Variants in SCAF4 observed in about 807,000 individuals in gnomAD.
The protein encoded by SCAF4 is SR-related and CTD-associated factor 4.
Under a neutral mutation model 129.8 loss-of-function variants are expected in SCAF4, and 25 were observed. The observed-to-expected ratio is 0.19, with a 90% CI of 0.14 to 0.27. The LOEUF (loss-of-function observed/expected upper bound fraction) is 0.27, where lower values mean the gene tolerates loss of function less well. Ranked by LOEUF, SCAF4 falls within the 10% of genes least tolerant of loss-of-function variation. The pLI is 1.00. For synonymous variants in SCAF4, 551 were observed against 497.7 expected, an observed-to-expected ratio of 1.11 and a Z score of -1.43; for missense variants, 1,246 against 1,457.1, an observed-to-expected ratio of 0.86 and a Z score of 2.36.
chr21:31,730,794 A>G (rs1658727983), intron 1 of SCAF4, among the ~76,000 whole-genome samples: 1 of 152,228 alleles, frequency 6.6e-6, no homozygotes, highest in Non-Finnish European at 1.5e-5. Flanking sequence ...GATCAGAGAA[A>G]CAACTAGAGA....
intron 19 of SCAF4, among the ~76,000 whole-genome samples, chr21:31,677,144 C>G (rs929143559): frequency 6.6e-6 from 1 of 152,136 alleles, no homozygotes; most frequent in African/African-American, 2.4e-5. Context: ...CCACATGCCA[C>G]CAAATCTACC....
At chr21:31,680,975 CA>C (rs2049981967) in intron 19 of SCAF4, among the ~76,000 whole-genome samples, 1 of 152,198 alleles carries the variant, frequency 6.6e-6, no homozygotes, top group South Asian at 2.1e-4. Context: ...TCTGTCCCCA[CA>C]ATTTCCTGAG....
chr21:31,710,277 G>A (rs570609600), intron 1 of SCAF4, among the ~76,000 whole-genome samples: 1 of 152,122 alleles, frequency 6.6e-6, no homozygotes, highest in East Asian at 1.9e-4. Context: ...AGGCTGGTGC[G>A]GTGGCTCACA....
intron 19 of SCAF4, among the ~76,000 whole-genome samples, chr21:31,673,534 T>G (rs2049769138): frequency 7.3e-6 from 1 of 136,742 alleles, no homozygotes; most frequent in Non-Finnish European, 1.6e-5. Flanking sequence ...AGGTGATGGC[T>G]CTGTCCCTTC....
At position 31,691,832 on chromosome 21, in the gene SCAF4, G is replaced by A. The variant is rs749675522; in HGVS notation, c.1713C>T (p.Asn571=). The A allele has an allele frequency of 3.1e-6, 5 of 1,588,724 alleles. No individual in the cohort carries two copies. The South Asian group carries it at 3.4e-5, about 11-fold the overall frequency. The stretch of plus-strand genomic sequence containing the variant: ...AAGACTGTACCTTTATGGATTTCTG[G>A]TTCACTTTATAGTTTCCTCGGCTCA... The part of the protein sequence containing the change: ...QKLSRGNYKV[N]QKSIKIAWAL... Residue 571 remains asparagine, a synonymous_variant, in exon 14 of 20, where the codon AAC becomes AAT. Coordinates refer to ENST00000286835, the MANE Select transcript of SCAF4 (RefSeq NM_020706.2).
chr21:31,691,961 A>G (rs2123531630), intron 13 of SCAF4, 31 bp from the exon 14 acceptor site: 2 of 1,218,322 alleles, frequency 1.6e-6, no homozygotes, highest in Middle Eastern at 2.0e-4. Flanking sequence ...ATTATAAAAG[A>G]TAACAAAATT....
chr21:31,701,973 C>T, intron 5 of SCAF4, 55 bp from the exon 6 acceptor site: 2 of 1,574,868 alleles, frequency 1.3e-6, no homozygotes, highest in Admixed American at 1.9e-5. Context: ...ACAAGTTTTC[C>T]TAATTAAGCT....
At chr21:31,712,656 G>A (rs1436543093) in intron 1 of SCAF4, among the ~76,000 whole-genome samples, 1 of 151,644 alleles carries the variant, frequency 6.6e-6, no homozygotes, top group African/African-American at 2.4e-5. Context: ...AGCCTCCCGA[G>A]TAGCTGGGAT....
In SCAF4 at chr21:31,696,232, G is replaced by T; in HGVS notation, c.960-11C>A. ...TCTCCAGGAAAGCCACTAAAAAAAGGTGGATAATCTTTTACCCATTCAAAA... is the reference window on the plus strand; with the variant it reads ...TCTCCAGGAAAGCCACTAAAAAAAGTTGGATAATCTTTTACCCATTCAAAA... On this transcript the variant is annotated splice_polypyrimidine_tract_variant and intron_variant, in intron 8 of 19. Coordinates refer to ENST00000286835, the MANE Select transcript of SCAF4 (RefSeq NM_020706.2). The T allele has an allele frequency of 1.2e-6, 2 of 1,603,444 alleles. No individual in the cohort carries two copies. The highest frequency in any genetic ancestry group is 1.7e-6 in the Non-Finnish European group (2 of 1,170,560).
Position 31,732,001 on chromosome 21 carries a change from C to T in SCAF4, c.-309G>A. ...CGCTCTGCGTCTCGCTGACACGGCC[C>T]CCCGCGCCCTCACGCACTGGCTCAC... On this transcript the variant is annotated 5_prime_UTR_variant, in exon 1 of 20. Transcript: ENST00000286835. 1 of 471,952 alleles carries T rather than the reference C, an allele frequency of 2.1e-6. No individual in the cohort carries two copies. Among genetic ancestry groups the T allele is most frequent in the Non-Finnish European group, 3.7e-6 (1 of 272,404 alleles). The allele number at this position is 471,952 out of a possible 1,614,324, so 29.2% of individuals were successfully genotyped here.
At chr21:31,716,926 A>C (rs2050933354) in intron 1 of SCAF4, among the ~76,000 whole-genome samples, 1 of 152,188 alleles carries the variant, frequency 6.6e-6, no homozygotes, top group African/African-American at 2.4e-5. Context: ...ACATACACAC[A>C]GTAAGAGGTA....
At chr21:31,677,269 G>A (rs999010184) in intron 19 of SCAF4, among the ~76,000 whole-genome samples, 19 of 151,872 alleles carry the variant, frequency 1.3e-4, no homozygotes, top group Non-Finnish European at 2.6e-4. Context: ...CATAACAACC[G>A]AGCACATAGC....
intron 19 of SCAF4, among the ~76,000 whole-genome samples, chr21:31,672,842 A>T (rs2049745886): frequency 6.6e-6 from 1 of 152,252 alleles, no homozygotes; most frequent in South Asian, 2.1e-4. Flanking sequence ...AAAGAGGAAG[A>T]TCTCTTTGAC....
intron 19 of SCAF4, chr21:31,684,741 G>A (rs962268095): frequency 3.7e-5 from 13 of 350,974 alleles, no homozygotes; most frequent in African/African-American, 2.3e-4. Context: ...CCTTTGCACA[G>A]AGATTACTTT....
chr21:31,731,431 C>T (rs987729097), intron 1 of SCAF4, among the ~76,000 whole-genome samples: 12 of 152,122 alleles, frequency 7.9e-5, no homozygotes, highest in Non-Finnish European at 1.5e-5. Context: ...GGGGAGAAGC[C>T]CGAGGTCGCG....
intron 2 of SCAF4, 109 bp downstream of exon 2, chr21:31,706,165 C>T (rs2050657848): frequency 2.7e-6 from 2 of 735,470 alleles, no homozygotes; most frequent in African/African-American, 1.8e-5. Flanking sequence ...GGTTAGGGCT[C>T]TTTGATTTAG....
chr21:31,700,778 A>G, intron 7 of SCAF4: 1 of 399,864 alleles, frequency 2.5e-6, no homozygotes, highest in Non-Finnish European at 4.4e-6. Flanking sequence ...ATTTTACACT[A>G]GTAAATTCAG....
chr21:31,701,589 G>A (rs1457967828), intron 6 of SCAF4, among the ~76,000 whole-genome samples, 187 bp downstream of exon 6: 4 of 152,200 alleles, frequency 2.6e-5, no homozygotes, highest in African/African-American at 7.2e-5. Context: ...TAAGTGTGTT[G>A]TTCCCTTGTT....
intron 1 of SCAF4, among the ~76,000 whole-genome samples, chr21:31,723,633 C>T (rs534860504): frequency 0.066 from 7,039 of 106,140 alleles, 181 homozygotes; most frequent in African/African-American, 0.073. Context: ...TGTGTGTGCG[C>T]GCGCGCGCGC....
Sources: allele counts gnomAD v4.1 joint callset (sites outside exome capture counted in the v4.1 genomes callset), GRCh38; gene constraint gnomAD v4.1.1; transcripts MANE v1.5; gene names NCBI Gene and HGNC (gene_info 2026-07-23, HGNC 2026-07-21).